GARRE1: variants seen among roughly 807,000 people sequenced by gnomAD.
GARRE1 encodes the protein granule associated Rac and RHOG effector 1.
Under a neutral mutation model 103.2 loss-of-function variants are expected in GARRE1, and 49 were observed. The observed-to-expected ratio is 0.47, with a 90% CI of 0.38 to 0.60. The LOEUF (loss-of-function observed/expected upper bound fraction) is 0.60. Ranked by LOEUF, GARRE1 falls within the 20% of genes least tolerant of loss-of-function variation. The pLI, the probability that GARRE1 is intolerant of heterozygous loss-of-function variation, is 0.00. For missense variants in GARRE1, 1,199 were observed against 1,370.5 expected (o/e 0.87, Z 1.98); for synonymous variants, 505 against 532.8 (o/e 0.95, Z 0.72).
chr19:34,282,518 G>A (rs928893047), intron 1 of GARRE1, among the ~76,000 whole-genome samples: 13 of 152,278 alleles, frequency 8.5e-5, no homozygotes, highest in African/African-American at 2.4e-4. Flanking sequence ...CTTTTCAGGT[G>A]TTTTTTCTGG....
Position 34,354,772 on chromosome 19 carries a change from C to G in GARRE1, c.*1817C>G, listed in dbSNP as rs887885074. 6.6e-6 allele frequency: 1 copy of G among 152,552 alleles called. No individual in the cohort carries two copies. The highest frequency in any genetic ancestry group is 2.4e-5 in the African/African-American group (1 of 41,420). The allele number at this position is 152,552 out of a possible 1,614,324, so 9.4% of individuals were successfully genotyped here. A position where few individuals can be genotyped will look rare whatever the true frequency, so the allele number is the denominator to read the frequency against. ...CCCGTAGGGTGTCTGAGCCCAGCCA[C>G]CTGAGTTTTTAGTACTGTGTTGTCA... On this transcript the variant is annotated 3_prime_UTR_variant, in exon 14 of 14. Coordinates refer to ENST00000299505, the MANE Select transcript of GARRE1 (RefSeq NM_014686.5).
intron 1 of GARRE1, among the ~76,000 whole-genome samples, chr19:34,293,321 A>C (rs1032212794): frequency 6.6e-6 from 1 of 152,128 alleles, no homozygotes; most frequent in African/African-American, 2.4e-5. Context: ...GCACTCTTGA[A>C]GGGAAAAAAA....
chr19:34,296,654 G>A, intron 1 of GARRE1: 1 of 975,180 alleles, frequency 1.0e-6, no homozygotes, highest in East Asian at 2.4e-5. Context: ...TAAGAGATTT[G>A]TATCTTTGTG....
intron 8 of GARRE1, 89 bp downstream of exon 8, chr19:34,333,890 A>G (rs2074149083): frequency 2.4e-6 from 2 of 838,236 alleles, no homozygotes; most frequent in Non-Finnish European, 4.1e-6. Flanking sequence ...AACAATGCCC[A>G]TGCTAGCTGA....
rs746761487 is a variant in GARRE1 at position 34,355,284 on chromosome 19, T to C, written c.*2329T>C. ...GTGAGACTGTGTGAAGCCGTTTGTG[T>C]GGTCTCCATGTAGGTGCTGTGTTCC... On this transcript the variant is annotated 3_prime_UTR_variant, in exon 14 of 14. Transcript: ENST00000299505. 6.5e-6 allele frequency: 1 copy of C among 152,810 alleles called. No homozygotes were observed. The highest frequency in any genetic ancestry group is 1.5e-5 in the Non-Finnish European group (1 of 68,040). 9.5% of individuals were successfully genotyped at this position (152,810 alleles called of 1,614,324 possible).
At chr19:34,337,700 T>A (rs184029666) in intron 8 of GARRE1, among the ~76,000 whole-genome samples, 10 of 152,332 alleles carry the variant, frequency 6.6e-5, no homozygotes, top group Non-Finnish European at 1.5e-4. Flanking sequence ...GTTTAGCCAC[T>A]TAAGGGCATT....
At chr19:34,275,160 T>G (rs1468809903) in intron 1 of GARRE1, among the ~76,000 whole-genome samples, 1 of 110,528 alleles carries the variant, frequency 9.0e-6, no homozygotes, top group Admixed American at 1.1e-4. Flanking sequence ...GGACAGAACA[T>G]TTTCTGTGTT....
At chr19:34,309,397 C>T (rs2074026683) in intron 2 of GARRE1, among the ~76,000 whole-genome samples, 1 of 152,166 alleles carries the variant, frequency 6.6e-6, no homozygotes, top group South Asian at 2.1e-4. Flanking sequence ...GAAGCTTGAA[C>T]ACATACTGAG....
intron 1 of GARRE1, among the ~76,000 whole-genome samples, chr19:34,263,978 T>C (rs1042681209): frequency 2.0e-5 from 3 of 151,888 alleles, no homozygotes; most frequent in Non-Finnish European, 4.4e-5. Context: ...CCTCCTGGGG[T>C]TGTAGTGAGG....
At chr19:34,275,658 GTATTAT>G (rs1443317944) in intron 1 of GARRE1, among the ~76,000 whole-genome samples, 1 of 152,014 alleles carries the variant, frequency 6.6e-6, no homozygotes, top group Non-Finnish European at 1.5e-5. Flanking sequence ...CCAGTTTTTG[GTATTAT>G]GATAATACTG....
At position 34,312,094 on chromosome 19, in the gene GARRE1, G is replaced by A. The variant is rs573540058; in HGVS notation, c.496-7813G>A. ...GCCTCCTAAAGTGCTGGGATTACAG[G>A]TGTGAGCCACCATGCCTGGCCTGTT... On this transcript the variant is annotated intron_variant, in intron 2 of 13. Coordinates refer to ENST00000299505, the MANE Select transcript of GARRE1 (RefSeq NM_014686.5). Among the ~76,000 whole-genome samples, 17 of 152,268 alleles carry A rather than the reference G, an allele frequency of 1.1e-4. No homozygotes were observed. The South Asian group carries it at 2.9e-3, about 26-fold the overall frequency.
At chr19:34,270,359 G>T (rs893954455) in intron 1 of GARRE1, among the ~76,000 whole-genome samples, 1 of 152,226 alleles carries the variant, frequency 6.6e-6, no homozygotes, top group Admixed American at 6.5e-5. Flanking sequence ...AGGGGTTGCT[G>T]TTTAGTTGGA....
chr19:34,348,080 C>G (rs748351891), intron 11 of GARRE1, 38 bp downstream of exon 11: 1 of 1,383,284 alleles, frequency 7.2e-7, no homozygotes, highest in Admixed American at 2.9e-5. Context: ...GAGCTTGAGA[C>G]CCAGGTGTCC....
intron 1 of GARRE1, among the ~76,000 whole-genome samples, chr19:34,272,941 C>T (rs898474015): frequency 9.2e-5 from 14 of 152,174 alleles, no homozygotes; most frequent in African/African-American, 3.1e-4. Context: ...TGATGGCTTA[C>T]GCCTGTAATC....
Position 34,342,046 on chromosome 19 carries a change from G to C in GARRE1, c.2112G>C (p.Gln704His), listed in dbSNP as rs1218914572. 1 of 1,614,100 alleles carries C rather than the reference G, an allele frequency of 6.2e-7. No homozygotes were observed. The highest frequency in any genetic ancestry group is 1.7e-5 in the Admixed American group (1 of 60,014). ...TGCCCCCTCCACCACGGGCACCCCAGGCTGGGGCACACACACCTCTGACAC... is the reference window on the plus strand; with the variant it reads ...TGCCCCCTCCACCACGGGCACCCCACGCTGGGGCACACACACCTCTGACAC... ...LPVPPPPRAP[Q>H]AGAHTPLTPQ... is the part of the protein sequence containing the mutation. Residue 704 changes from glutamine (Q) to histidine (H), a missense_variant, in exon 10 of 14, where the codon CAG becomes CAC. Coordinates refer to ENST00000299505, the MANE Select transcript of GARRE1 (RefSeq NM_014686.5).
chr19:34,329,561 C>T (rs1003495613), intron 6 of GARRE1, among the ~76,000 whole-genome samples: 53 of 152,178 alleles, frequency 3.5e-4, no homozygotes, highest in African/African-American at 1.2e-3. Context: ...TTGAGCCAGG[C>T]GTGGTGGCTC....
At chr19:34,256,642 C>A (rs2073674982) in intron 1 of GARRE1, among the ~76,000 whole-genome samples, 1 of 151,898 alleles carries the variant, frequency 6.6e-6, no homozygotes, top group South Asian at 2.1e-4. Flanking sequence ...AATGGCTAGT[C>A]AGTTCCAGAT....
At chr19:34,352,584 G>A (rs1028172539) in intron 13 of GARRE1, 63 bp from the exon 14 acceptor site, 2 of 1,388,440 alleles carry the variant, frequency 1.4e-6, no homozygotes, top group Non-Finnish European at 1.0e-6. Context: ...CAGGCATCTG[G>A]GGAGGTGGGA....
Position 34,342,156 on chromosome 19 carries a change from T to G in GARRE1, c.2222T>G (p.Ile741Ser). 6.2e-7 allele frequency: 1 copy of G among 1,614,080 alleles called. No individual in the cohort carries two copies. The highest frequency in any genetic ancestry group is 1.7e-5 in the Admixed American group (1 of 60,020). ...TACTACCAACACCTACTCCAGCCCA[T>G]TGGACCGCAGCAGCCCCCGCCCCAG... ...VQYYQHLLQP[I>S]GPQQPPPQPR... is the part of the protein sequence containing the mutation. Residue 741 changes from isoleucine to serine, a missense_variant, in exon 10 of 14, where the codon ATT (isoleucine) becomes AGT (serine). Transcript: ENST00000299505.
Sources: gnomAD v4.1 joint callset for allele counts (sites outside exome capture counted in the v4.1 genomes callset) on GRCh38, gnomAD v4.1.1 for gene constraint, MANE v1.5 for transcripts, NCBI Gene and HGNC (gene_info 2026-07-23, HGNC 2026-07-21) for gene names.